Variants in BLTP3B observed in about 807,000 individuals in gnomAD.
BLTP3B encodes UHRF1 (ICBP90) binding protein 1-like.
At chr12:100,134,108 T>C in the BLTP3B span, among the ~76,000 whole-genome samples, 1 of 151,842 alleles carries the variant, frequency 6.6e-6, no homozygotes. Context: ...AGGACTACTG[T>C]AGTGCATGTA....
the BLTP3B span, among the ~76,000 whole-genome samples, chr12:100,135,941 G>A: frequency 4.2e-4 from 64 of 152,114 alleles, 1 homozygote; most frequent in South Asian, 0.013. Context: ...AGCCAGGCAC[G>A]GTGGCTCATG....
chr12:100,121,458 G>C, the BLTP3B span, among the ~76,000 whole-genome samples: 1 of 151,986 alleles, frequency 6.6e-6, no homozygotes, highest in Non-Finnish European at 1.5e-5. Context: ...GGATTACAAA[G>C]GAGCATGAGG....
chr12:100,086,435 G>C, the BLTP3B span: 2 of 956,788 alleles, frequency 2.1e-6, no homozygotes. Context: ...AAAAATTTTA[G>C]CATACTTGGA....
chr12:100,098,999 A>AT, the BLTP3B span, among the ~76,000 whole-genome samples: 11 of 148,316 alleles, frequency 7.4e-5, no homozygotes, highest in South Asian at 2.2e-4. Context: ...CCATTTTATT[A>AT]TTTTTTTTTT....
At chr12:100,135,264 CT>C in the BLTP3B span, among the ~76,000 whole-genome samples, 2 of 141,084 alleles carry the variant, frequency 1.4e-5, no homozygotes, top group East Asian at 1.9e-4. Context: ...ATATTGCTTT[CT>C]TTTTTTTCTT....
chr12:100,138,731 A>G, the BLTP3B span, among the ~76,000 whole-genome samples: 46 of 152,212 alleles, frequency 3.0e-4, 1 homozygote, highest in Non-Finnish European at 1.2e-4. Context: ...AGCCTAAGGG[A>G]GCGAAGGAGA....
chr12:100,124,974 A>T, the BLTP3B span, among the ~76,000 whole-genome samples: 464 of 100,304 alleles, frequency 4.6e-3, 9 homozygotes, highest in African/African-American at 0.021. Flanking sequence ...ATATATATAT[A>T]TATATTTATA....
At chr12:100,090,872 T>C in the BLTP3B span, among the ~76,000 whole-genome samples, 2 of 152,136 alleles carry the variant, frequency 1.3e-5, no homozygotes, top group Admixed American at 6.5e-5. Flanking sequence ...CATTATGTTT[T>C]CTCTCTTATC....
the BLTP3B span, chr12:100,086,383 G>GC: frequency 4.0e-6 from 2 of 502,756 alleles, no homozygotes; most frequent in South Asian, 1.8e-5. Context: ...GGGGGGGGGG[G>GC]AAATATTAAG....
At chr12:100,086,394 T>A in the BLTP3B span, 2 of 1,282,546 alleles carry the variant, frequency 1.6e-6, no homozygotes, top group Admixed American at 2.5e-5. Context: ...AAATATTAAG[T>A]CAATTATCAG....
chr12:100,093,376 T>TTCAATGCCC, the BLTP3B span, among the ~76,000 whole-genome samples: 1 of 91,518 alleles, frequency 1.1e-5, no homozygotes. Context: ...ACTCGATTCT[T>TTCAATGCCC]TCGAGTTACC....
At chr12:100,043,663 G>A in the BLTP3B span, among the ~76,000 whole-genome samples, 1 of 152,040 alleles carries the variant, frequency 6.6e-6, no homozygotes, top group Non-Finnish European at 1.5e-5. Context: ...TGCTCTTCTG[G>A]GTGAGATACA....
At chr12:100,051,498 G>T in the BLTP3B span, 1 of 257,544 alleles carries the variant, frequency 3.9e-6, no homozygotes, top group Non-Finnish European at 7.2e-6. Flanking sequence ...CCATAAAAAT[G>T]AATTAATAGA....
the BLTP3B span, chr12:100,084,340 G>T: frequency 1.1e-6 from 1 of 940,780 alleles, no homozygotes; most frequent in Non-Finnish European, 1.5e-6. Flanking sequence ...ACATTAAAAA[G>T]AAGAAAAAAA....
chr12:100,138,162 A>G, the BLTP3B span, among the ~76,000 whole-genome samples: 3 of 152,214 alleles, frequency 2.0e-5, no homozygotes, highest in Non-Finnish European at 4.4e-5. Context: ...CAAAATGCCA[A>G]TGATGCCAAG....
the BLTP3B span, among the ~76,000 whole-genome samples, chr12:100,040,639 T>G: frequency 6.6e-6 from 1 of 152,040 alleles, no homozygotes; most frequent in Non-Finnish European, 1.5e-5. Flanking sequence ...TGAGCTGAGA[T>G]CTCACCACTG....
the BLTP3B span, among the ~76,000 whole-genome samples, chr12:100,060,896 G>T: frequency 6.6e-6 from 1 of 152,200 alleles, no homozygotes; most frequent in Non-Finnish European, 1.5e-5. Flanking sequence ...TGAGATACCA[G>T]TGGAGAGGGA....
the BLTP3B span, chr12:100,039,541 T>C: frequency 6.7e-7 from 1 of 1,487,498 alleles, no homozygotes; most frequent in Admixed American, 2.0e-5. Context: ...TATTAGTATC[T>C]TAATACCTAG....
the BLTP3B span, among the ~76,000 whole-genome samples, chr12:100,094,655 G>A: frequency 1.9e-4 from 29 of 152,164 alleles, no homozygotes; most frequent in African/African-American, 6.3e-4. Flanking sequence ...CCAGGAGTTC[G>A]GGACCAGCAT....
Sources: allele counts gnomAD v4.1 joint callset (sites outside exome capture counted in the v4.1 genomes callset), GRCh38; gene constraint gnomAD v4.1.1; transcripts MANE v1.5; gene names NCBI Gene and HGNC (gene_info 2026-07-23, HGNC 2026-07-21).